Variants in OSBP2 observed in about 807,000 individuals in gnomAD.
OSBP2 encodes the protein oxysterol binding protein 2.
Under a neutral mutation model 96.0 loss-of-function variants are expected in OSBP2, and 66 were observed. That is an observed-to-expected ratio of 0.69 (90% CI 0.56 to 0.84). The LOEUF (loss-of-function observed/expected upper bound fraction) is 0.84. Among genes scored for constraint, OSBP2 ranks in the 40% least tolerant of loss-of-function variants. The pLI is 0.00. For synonymous variants in OSBP2, 525 were observed against 520.9 expected (o/e 1.01, Z -0.11); for missense variants, 1,038 against 1,222.7 (o/e 0.85, Z 2.25).
chr22:30,744,087 C>T (rs2089971497), intron 2 of OSBP2, among the ~76,000 whole-genome samples: 1 of 152,070 alleles, frequency 6.6e-6, no homozygotes, highest in Non-Finnish European at 1.5e-5. Context: ...CATGAATGAA[C>T]CATGTATGTG....
At chr22:30,814,606 T>C (rs762877272) in intron 2 of OSBP2, among the ~76,000 whole-genome samples, 1 of 151,826 alleles carries the variant, frequency 6.6e-6, no homozygotes, top group African/African-American at 2.4e-5. Flanking sequence ...ATTTTTGTAT[T>C]TTAGTAGAGA....
chr22:30,826,377 C>T (rs1246122372), intron 2 of OSBP2, among the ~76,000 whole-genome samples: 1 of 152,192 alleles, frequency 6.6e-6, no homozygotes, highest in African/African-American at 2.4e-5. Context: ...TGCCACTCCT[C>T]GGGCCTAGCC....
intron 1 of OSBP2, among the ~76,000 whole-genome samples, chr22:30,717,063 AT>A (rs1364034619): frequency 7.0e-6 from 1 of 143,844 alleles, no homozygotes; most frequent in Non-Finnish European, 1.5e-5. Flanking sequence ...AGGCATTTAA[AT>A]CTATTTTGTT....
intron 2 of OSBP2, among the ~76,000 whole-genome samples, chr22:30,761,575 A>G (rs933041791): frequency 6.6e-6 from 1 of 152,238 alleles, no homozygotes; most frequent in Non-Finnish European, 1.5e-5. Flanking sequence ...TTCTCAGCAT[A>G]GACAAACTTA....
At chr22:30,858,912 T>TAATAATAATAATAAA (rs1569153430) in intron 2 of OSBP2, among the ~76,000 whole-genome samples, 1 of 140,672 alleles carries the variant, frequency 7.1e-6, no homozygotes, top group South Asian at 2.3e-4. Flanking sequence ...ATAATAATAA[T>TAATAATAATAATAAA]AAAAGCATTC....
intron 2 of OSBP2, among the ~76,000 whole-genome samples, chr22:30,754,530 G>C (rs2090117952): frequency 6.6e-6 from 1 of 152,150 alleles, no homozygotes; most frequent in Non-Finnish European, 1.5e-5. Context: ...ATGCAGAGGA[G>C]AGAAGAGCTG....
chr22:30,853,999 T>G (rs767493753), intron 2 of OSBP2, among the ~76,000 whole-genome samples: 30 of 152,130 alleles, frequency 2.0e-4, no homozygotes, highest in Non-Finnish European at 5.9e-5. Context: ...GACCTCATCA[T>G]CCGCCCACCT....
At chr22:30,729,898 C>T (rs779428667) in intron 1 of OSBP2, among the ~76,000 whole-genome samples, 5 of 151,978 alleles carry the variant, frequency 3.3e-5, no homozygotes, top group Non-Finnish European at 5.9e-5. Flanking sequence ...GACTTCAACA[C>T]GTTGATTATG....
intron 2 of OSBP2, among the ~76,000 whole-genome samples, chr22:30,765,437 G>A (rs2090258447): frequency 6.6e-6 from 1 of 152,110 alleles, no homozygotes; most frequent in Admixed American, 6.5e-5. Context: ...TTGAACTCCT[G>A]ACCTCAAGTG....
At chr22:30,888,642 C>T (rs1200652926) in intron 5 of OSBP2, among the ~76,000 whole-genome samples, 1 of 152,118 alleles carries the variant, frequency 6.6e-6, no homozygotes, top group African/African-American at 2.4e-5. Flanking sequence ...GTGGGAGGGT[C>T]GCTTGAGCCC....
intron 2 of OSBP2, among the ~76,000 whole-genome samples, chr22:30,807,715 CTTCCTGAGT>C (rs1170056269): frequency 6.6e-6 from 1 of 152,234 alleles, no homozygotes; most frequent in African/African-American, 2.4e-5. Flanking sequence ...CTCCCCTGAG[CTTCCTGAGT>C]TTTCTTTCCC....
At chr22:30,904,935 A>G (rs981773162) in intron 12 of OSBP2, among the ~76,000 whole-genome samples, 2 of 152,254 alleles carry the variant, frequency 1.3e-5, no homozygotes, top group Non-Finnish European at 2.9e-5. Context: ...CAGGGGTTCA[A>G]TACCAGCCTG....
intron 2 of OSBP2, among the ~76,000 whole-genome samples, chr22:30,748,313 C>T (rs1046726543): frequency 2.0e-5 from 3 of 152,136 alleles, no homozygotes; most frequent in Non-Finnish European, 2.9e-5. Context: ...TCAGGTGATC[C>T]GCCTGCCTCA....
rs541215303 is a variant in OSBP2, at chr22:30,791,000, C to T, written c.853+49631C>T. On this transcript the variant is annotated intron_variant, in intron 2 of 13. Coordinates refer to ENST00000332585, the MANE Select transcript of OSBP2 (RefSeq NM_030758.4). ...TTTATTTATTTATTTATTTTTGAGA[C>T]AGAGTTTCTCTCTTGTTTTGTCACC... Among the ~76,000 whole-genome samples, 4 of 152,146 alleles carry T rather than the reference C, an allele frequency of 2.6e-5. No homozygotes were observed. The South Asian group carries it at 8.3e-4, about 32-fold the overall frequency.
intron 2 of OSBP2, among the ~76,000 whole-genome samples, chr22:30,856,348 C>T (rs2039076784): frequency 6.9e-6 from 1 of 145,612 alleles, no homozygotes. Flanking sequence ...GTCACTGAGA[C>T]TTGGCAGTTG....
intron 1 of OSBP2, among the ~76,000 whole-genome samples, chr22:30,708,398 T>G (rs1190079629): frequency 6.6e-6 from 1 of 151,720 alleles, no homozygotes; most frequent in Admixed American, 6.6e-5. Flanking sequence ...ATCTCAGTCC[T>G]TCTCAAATCA....
chr22:30,706,045 C>T (rs1010638872), intron 1 of OSBP2, among the ~76,000 whole-genome samples: 1 of 152,132 alleles, frequency 6.6e-6, no homozygotes, highest in African/African-American at 2.4e-5. Flanking sequence ...AGAACAAGAT[C>T]AGTATATGCT....
chr22:30,839,807 A>G (rs1479182998), intron 2 of OSBP2, among the ~76,000 whole-genome samples: 2 of 151,836 alleles, frequency 1.3e-5, no homozygotes, highest in Non-Finnish European at 2.9e-5. Context: ...GTACACTCTG[A>G]TGGTAGTTTC....
intron 2 of OSBP2, among the ~76,000 whole-genome samples, chr22:30,778,303 G>GCGCACACACACA (rs1555912357): frequency 6.8e-6 from 1 of 146,528 alleles, no homozygotes; most frequent in African/African-American, 2.5e-5. Flanking sequence ...GTGTGCATGT[G>GCGCACACACACA]CACACACACA....
Sources: gnomAD v4.1 joint callset for allele counts (sites outside exome capture counted in the v4.1 genomes callset) on GRCh38, gnomAD v4.1.1 for gene constraint, MANE v1.5 for transcripts, NCBI Gene and HGNC (gene_info 2026-07-23, HGNC 2026-07-21) for gene names.